MBNL3: variants seen among roughly 807,000 people sequenced by gnomAD.
MBNL3 encodes the protein muscleblind like splicing regulator 3.
MBNL3 carries 6 observed loss-of-function variants against 24.5 expected under a neutral mutation model. That is an observed-to-expected ratio of 0.25 (90% CI 0.13 to 0.48). MBNL3 has a LOEUF of 0.48. Ranked by LOEUF, MBNL3 falls within the 20% of genes least tolerant of loss-of-function variation. MBNL3 has a pLI of 0.99. For missense variants in MBNL3, 230 were observed against 293.5 expected, an observed-to-expected ratio of 0.78 and a Z score of 1.58; for synonymous variants, 100 against 101.7, an observed-to-expected ratio of 0.98 and a Z score of 0.10.
chrX:132,406,529 A>C, intron 2 of MBNL3, 137 bp from the exon 3 acceptor site: 4 of 536,835 alleles, frequency 7.5e-6, no homozygotes, highest in Non-Finnish European at 1.1e-5. Context: ...ACACCCTGAA[A>C]TTCACTGACA....
chrX:132,451,996 C>G (rs901505691), intron 1 of MBNL3, among the ~76,000 whole-genome samples: 1 of 111,311 alleles, frequency 9.0e-6, no homozygotes, highest in South Asian at 3.9e-4. Flanking sequence ...CCATGGGCTG[C>G]ACGCACTGTC....
intron 3 of MBNL3, among the ~76,000 whole-genome samples, chrX:132,399,651 G>A (rs1330113003): frequency 9.1e-6 from 1 of 110,035 alleles, no homozygotes; most frequent in Non-Finnish European, 1.9e-5. Context: ...AAAGAAGGGT[G>A]TAAATGAATA....
At chrX:132,381,265 GA>G in intron 8 of MBNL3, 1 of 494,386 alleles carries the variant, frequency 2.0e-6, no homozygotes, top group Non-Finnish European at 3.2e-6. Context: ...GTCTATGAAT[GA>G]AAATATTTAC....
At chrX:132,411,128 T>A in intron 2 of MBNL3, 1 of 752,906 alleles carries the variant, frequency 1.3e-6, no homozygotes, top group Non-Finnish European at 1.6e-6. Flanking sequence ...AGGCTGAACG[T>A]TGACCCCCAT....
At chrX:132,458,612 T>C (rs142697317) in intron 1 of MBNL3, among the ~76,000 whole-genome samples, 1 of 110,868 alleles carries the variant, frequency 9.0e-6, no homozygotes. Flanking sequence ...CACTCTCTCA[T>C]GAGAACAAAC....
chrX:132,388,416 G>A (rs1392232690), intron 5 of MBNL3, among the ~76,000 whole-genome samples: 1 of 112,240 alleles, frequency 8.9e-6, no homozygotes, highest in Admixed American at 9.4e-5. Context: ...TAAGACAGAA[G>A]ACCTACTTAT....
At chrX:132,444,850 T>C (rs1332500231) in intron 1 of MBNL3, among the ~76,000 whole-genome samples, 2 of 112,114 alleles carry the variant, frequency 1.8e-5, no homozygotes, top group Non-Finnish European at 1.9e-5. Context: ...GAAGTTATCT[T>C]GAAAGTAAAA....
intron 1 of MBNL3, among the ~76,000 whole-genome samples, chrX:132,467,267 C>A (rs767152415): frequency 6.3e-4 from 70 of 111,416 alleles, no homozygotes; most frequent in Non-Finnish European, 1.1e-3. Context: ...AAAAGGCACG[C>A]CAATAATTAA....
chrX:132,423,068 C>T (rs1052451796), intron 2 of MBNL3, among the ~76,000 whole-genome samples: 2 of 111,654 alleles, frequency 1.8e-5, no homozygotes, highest in African/African-American at 6.5e-5. Flanking sequence ...GAAATTTGGA[C>T]ACCTTAATTC....
chrX:132,390,265 C>CAAAAAAAAA (rs59093044), intron 5 of MBNL3, among the ~76,000 whole-genome samples: 3 of 31,611 alleles, frequency 9.5e-5, no homozygotes, highest in Non-Finnish European at 1.6e-4. Context: ...ACAACAACAA[C>CAAAAAAAAA]AAAAAAAAAA....
At chrX:132,483,470 A>G (rs1170883550) in intron 1 of MBNL3, among the ~76,000 whole-genome samples, 2 of 112,393 alleles carry the variant, frequency 1.8e-5, no homozygotes, top group East Asian at 2.8e-4. Flanking sequence ...TTATTTCACG[A>G]GATACATGTC....
rs60044820 is a variant in MBNL3 at position 132,408,092 on chromosome X, C to CTT, written c.178-1702_178-1701dup. On this transcript the variant is annotated intron_variant, in intron 2 of 8. Transcript: ENST00000370853. ...CCTGACCTCTCTTCTGAATTTCAGT[C>CTT]TTTTTTTTTTTTTTTTTTTTTTTTT... Among the ~76,000 whole-genome samples the CTT allele has an allele frequency of 8.4e-4, 19 of 22,568 alleles. 3 individuals carry two copies. The highest frequency in any genetic ancestry group is 1.2e-3 in the Non-Finnish European group (15 of 12,631). The allele number at this position is 22,568 out of a possible 115,157, so 19.6% of individuals were successfully genotyped here.
At chrX:132,472,979 C>A (rs73237365) in intron 1 of MBNL3, among the ~76,000 whole-genome samples, 1 of 111,564 alleles carries the variant, frequency 9.0e-6, no homozygotes, top group South Asian at 3.7e-4. Flanking sequence ...ACACAGAACA[C>A]GGACTTTGAG....
chrX:132,420,662 G>T (rs768455642), intron 2 of MBNL3, among the ~76,000 whole-genome samples: 1 of 110,818 alleles, frequency 9.0e-6, no homozygotes, highest in Non-Finnish European at 1.9e-5. Flanking sequence ...TGCAAGCCCC[G>T]TGTTTAAAGG....
intron 2 of MBNL3, among the ~76,000 whole-genome samples, chrX:132,421,802 G>C (rs909799684): frequency 9.0e-6 from 1 of 110,838 alleles, no homozygotes; most frequent in Non-Finnish European, 1.9e-5. Flanking sequence ...TTTGCCATGG[G>C]TACTGTTATA....
At chrX:132,421,059 A>G (rs1423665991) in intron 2 of MBNL3, among the ~76,000 whole-genome samples, 4 of 111,657 alleles carry the variant, frequency 3.6e-5, no homozygotes, top group Non-Finnish European at 7.5e-5. Context: ...CCTTAATTCT[A>G]TTTAGTTTTA....
chrX:132,396,949 C>CATATATATATGA (rs375202529), intron 3 of MBNL3, among the ~76,000 whole-genome samples: 2 of 63,126 alleles, frequency 3.2e-5, no homozygotes, highest in African/African-American at 6.4e-5. Context: ...TATATATATT[C>CATATATATATGA]ATATATATTC....
intron 1 of MBNL3, among the ~76,000 whole-genome samples, chrX:132,477,062 A>T (rs1207454430): frequency 8.9e-6 from 1 of 112,464 alleles, no homozygotes; most frequent in African/African-American, 3.2e-5. Flanking sequence ...CAGAATAAGA[A>T]AGAATTAAAA....
intron 2 of MBNL3, chrX:132,431,624 G>A (rs974268711): frequency 9.0e-6 from 1 of 111,532 alleles, no homozygotes; most frequent in Non-Finnish European, 1.9e-5. Flanking sequence ...TCCTTTATTG[G>A]AGAATGATAT....
Sources: gnomAD v4.1 joint callset for allele counts (sites outside exome capture counted in the v4.1 genomes callset) on GRCh38, gnomAD v4.1.1 for gene constraint, MANE v1.5 for transcripts, NCBI Gene and HGNC (gene_info 2026-07-23, HGNC 2026-07-21) for gene names.